CBX1: variants seen among roughly 807,000 people sequenced by gnomAD.
CBX1 encodes chromobox 1.
CBX1 carries 10 observed loss-of-function variants against 25.1 expected under a neutral mutation model. The ratio of observed to expected loss-of-function variants is 0.40; its 90% confidence interval spans 0.25 to 0.68. CBX1 has a LOEUF of 0.68. Among genes scored for constraint, CBX1 ranks in the 30% least tolerant of loss-of-function variants. The pLI, the probability that CBX1 is intolerant of heterozygous loss-of-function variation, is 0.40. For missense variants in CBX1, 106 were observed against 218.5 expected (o/e 0.49, Z 3.25); for synonymous variants, 63 against 79.4 (o/e 0.79, Z 1.10).
chr17:48,082,501 C>CAAAAA (rs572999255), intron 1 of CBX1, among the ~76,000 whole-genome samples: 2 of 53,752 alleles, frequency 3.7e-5, no homozygotes, highest in South Asian at 9.0e-4. Context: ...GACTCCATCT[C>CAAAAA]AAAAAAAAAA....
Position 48,070,471 on chromosome 17 carries a change from T to G in CBX1, c.*964A>C, listed in dbSNP as rs2037614997. The stretch of plus-strand genomic sequence containing the variant: ...AAACGGCTCCAAGAGTTTTCCCCAC[T>G]AAGAGCATGGGCCCTTGTCTTTCCC... On this transcript the variant is annotated 3_prime_UTR_variant, in exon 5 of 5. Coordinates refer to ENST00000225603, the MANE Select transcript of CBX1 (RefSeq NM_001127228.2). 2 of 152,586 alleles carry G rather than the reference T, an allele frequency of 1.3e-5. No individual in the cohort carries two copies. Among genetic ancestry groups the G allele is most frequent in the Non-Finnish European group, 2.9e-5 (2 of 68,028 alleles). The allele number at this position is 152,586 out of a possible 1,614,324, so 9.5% of individuals were successfully genotyped here.
intron 1 of CBX1, among the ~76,000 whole-genome samples, chr17:48,095,054 A>G (rs2063366209): frequency 6.6e-6 from 1 of 152,100 alleles, no homozygotes; most frequent in Non-Finnish European, 1.5e-5. Flanking sequence ...CTCAAAAAAA[A>G]AAAGAAAGAA....
chr17:48,083,155 T>C (rs1567766353), intron 1 of CBX1, among the ~76,000 whole-genome samples: 2 of 149,918 alleles, frequency 1.3e-5, no homozygotes, highest in Non-Finnish European at 1.5e-5. Flanking sequence ...AATGAGCCAC[T>C]GCACCTGGCC....
chr17:48,076,786 T>C (rs2037678838), intron 2 of CBX1, 79 bp downstream of exon 2: 5 of 1,318,054 alleles, frequency 3.8e-6, no homozygotes, highest in South Asian at 1.4e-5. Context: ...GTATCCATCA[T>C]AGCACTGGAG....
At chr17:48,084,835 A>G (rs1448019427) in intron 1 of CBX1, among the ~76,000 whole-genome samples, 1 of 144,370 alleles carries the variant, frequency 6.9e-6, no homozygotes. Flanking sequence ...GTGTGAACCC[A>G]GGAGACGGAG....
intron 1 of CBX1, among the ~76,000 whole-genome samples, chr17:48,087,416 A>T (rs1446768869): frequency 1.3e-5 from 2 of 150,460 alleles, no homozygotes; most frequent in Non-Finnish European, 3.0e-5. Context: ...TCTACTAAAA[A>T]TACAAAAATT....
rs756684671 is a variant in CBX1 at position 48,086,440 on chromosome 17, C to T, written c.-37-9399G>A. 1.8e-4 allele frequency among the ~76,000 whole-genome samples: 27 copies of T among 152,160 alleles called. 1 individual carries two copies. The highest frequency in any genetic ancestry group is 1.9e-4 in the East Asian group (1 of 5,202). On this transcript the variant is annotated intron_variant, in intron 1 of 4. Coordinates refer to ENST00000225603, the MANE Select transcript of CBX1 (RefSeq NM_001127228.2). ...TGAAGTGCTATGCTAGGAACTTCCA[C>T]GATTCTGATTTCTTGCCAGTTTGAA...
chr17:48,077,069 C>A (rs2037681477), intron 1 of CBX1, 28 bp from the exon 2 acceptor site: 7 of 1,533,022 alleles, frequency 4.6e-6, no homozygotes, highest in Non-Finnish European at 6.2e-6. Context: ...ATAAAAAGGG[C>A]ATTAGGGAGC....
At chr17:48,082,484 A>G (rs2037748386) in intron 1 of CBX1, among the ~76,000 whole-genome samples, 1 of 130,078 alleles carries the variant, frequency 7.7e-6, no homozygotes, top group Non-Finnish European at 1.6e-5. Flanking sequence ...CCTGGGGGAC[A>G]GAGCGAGACT....
intron 3 of CBX1, 79 bp from the exon 4 acceptor site, chr17:48,075,179 T>C: frequency 1.1e-6 from 1 of 944,138 alleles, no homozygotes; most frequent in Non-Finnish European, 1.7e-6. Flanking sequence ...GTGTCTCTGA[T>C]TAATGTAATC....
In CBX1 at chr17:48,079,079, G is replaced by A. The variant is rs145222498; in HGVS notation, c.-37-2038C>T. Reference sequence around the variant, plus strand: ...CCCAAAGTGCTGGGATTACAGGCGTGAGCCACCGAACCCAGCTCCAGCCCC... The same window carrying A: ...CCCAAAGTGCTGGGATTACAGGCGTAAGCCACCGAACCCAGCTCCAGCCCC... On this transcript the variant is annotated intron_variant, in intron 1 of 4. Coordinates refer to ENST00000225603, the MANE Select transcript of CBX1 (RefSeq NM_001127228.2). Among the ~76,000 whole-genome samples the A allele has an allele frequency of 8.6e-5, 13 of 151,646 alleles. No individual in the cohort carries two copies. In the East Asian group the frequency reaches 1.7e-3, roughly 20 times the overall value.
Position 48,101,384 on chromosome 17 carries a change from G to A in CBX1, c.-154C>T. The A allele has an allele frequency of 1.0e-6, 1 of 985,752 alleles. No individual in the cohort carries two copies. Among genetic ancestry groups the A allele is most frequent in the Non-Finnish European group, 1.2e-6 (1 of 830,116 alleles). 61.1% of individuals were successfully genotyped at this position (985,752 alleles called of 1,614,324 possible). A position where few individuals can be genotyped will look rare whatever the true frequency, so the allele number is the denominator to read the frequency against. Reference sequence around the variant, plus strand: ...CAGCAAGCCGGGTGGCCGCAGTGGCGTCCCTCACTGAAGCGGCGTACCGCA... The same window carrying A: ...CAGCAAGCCGGGTGGCCGCAGTGGCATCCCTCACTGAAGCGGCGTACCGCA... On this transcript the variant is annotated 5_prime_UTR_variant, in exon 1 of 5. In the 5' UTR this introduces an upstream ATG that the reference lacks. Coordinates refer to ENST00000225603, the MANE Select transcript of CBX1 (RefSeq NM_001127228.2).
chr17:48,100,666 CAG>C, intron 1 of CBX1: 1 of 941,032 alleles, frequency 1.1e-6, no homozygotes, highest in Non-Finnish European at 1.3e-6. Context: ...CCTCCCCTTC[CAG>C]AGTCAGGCCC....
rs964320720 is a variant in CBX1 at position 48,077,996 on chromosome 17, A to G, written c.-37-955T>C. ...TGGCGAGACCCTGTCCCTACTAAAA[A>G]TACAAAAATTAGCCAGTCGTGAGCC... is the stretch of plus-strand genomic sequence containing the variant. On this transcript the variant is annotated intron_variant, in intron 1 of 4. Coordinates refer to ENST00000225603, the MANE Select transcript of CBX1 (RefSeq NM_001127228.2). 2.6e-5 allele frequency among the ~76,000 whole-genome samples: 4 copies of G among 152,094 alleles called. No individual in the cohort carries two copies. The East Asian group carries it at 7.7e-4, about 29-fold the overall frequency.
chr17:48,092,309 A>T (rs2063348783), intron 1 of CBX1, among the ~76,000 whole-genome samples: 1 of 151,240 alleles, frequency 6.6e-6, no homozygotes, highest in South Asian at 2.1e-4. Context: ...ACCTTTTAAT[A>T]CTATCTATTA....
At chr17:48,077,441 TTTTGTTTTTTTTG>T (rs2037686857) in intron 1 of CBX1, among the ~76,000 whole-genome samples, 5 of 78,058 alleles carry the variant, frequency 6.4e-5, no homozygotes, top group African/African-American at 1.9e-4. Context: ...TTGTTTTTTT[TTTTGTTTTTTTTG>T]TTTTTTTTTT....
intron 1 of CBX1, among the ~76,000 whole-genome samples, chr17:48,080,986 A>C (rs947365892): frequency 4.2e-5 from 3 of 72,208 alleles, no homozygotes; most frequent in African/African-American, 2.3e-4. Context: ...ATATATATAT[A>C]TATATATAAA....
chr17:48,085,130 C>G (rs2063305845), intron 1 of CBX1, among the ~76,000 whole-genome samples: 1 of 152,152 alleles, frequency 6.6e-6, no homozygotes, highest in Non-Finnish European at 1.5e-5. Context: ...TAAACATTTG[C>G]TGAGTCTGCT....
chr17:48,081,809 C>T (rs928128752), intron 1 of CBX1, among the ~76,000 whole-genome samples: 2 of 152,098 alleles, frequency 1.3e-5, no homozygotes, highest in Non-Finnish European at 2.9e-5. Context: ...AACAGATCCC[C>T]GCTTCTTCCT....
Sources: gnomAD v4.1 joint callset for allele counts (sites outside exome capture counted in the v4.1 genomes callset) on GRCh38, gnomAD v4.1.1 for gene constraint, MANE v1.5 for transcripts, NCBI Gene and HGNC (gene_info 2026-07-23, HGNC 2026-07-21) for gene names.